UBE2K: variants seen among roughly 807,000 people sequenced by gnomAD.
UBE2K encodes the protein ubiquitin-conjugating enzyme E2 K.
UBE2K carries 6 observed loss-of-function variants against 30.0 expected under a neutral mutation model. That is an observed-to-expected ratio of 0.20 (90% CI 0.11 to 0.39). UBE2K has a LOEUF of 0.39. Ranked by LOEUF, UBE2K falls within the 10% of genes least tolerant of loss-of-function variation. The pLI is 1.00. For synonymous variants in UBE2K, 86 were observed against 83.7 expected (o/e 1.03, Z -0.15); for missense variants, 61 against 241.6 (o/e 0.25, Z 4.96).
chr4:39,748,851 A>T (rs1053791151), intron 3 of UBE2K, among the ~76,000 whole-genome samples: 2 of 152,218 alleles, frequency 1.3e-5, no homozygotes, highest in Admixed American at 6.5e-5. Context: ...AGAAAATGTT[A>T]TATACCCTAC....
chr4:39,717,629 T>C lies in UBE2K; in HGVS notation c.63+19239T>C, dbSNP rs1224409870. Among the ~76,000 whole-genome samples the C allele has an allele frequency of 2.0e-5, 3 of 152,356 alleles. No individual in the cohort carries two copies. In the East Asian group the frequency reaches 5.8e-4, roughly 29 times the overall value. On this transcript the variant is annotated intron_variant, in intron 1 of 6. Transcript: ENST00000261427. ...TCTCTGTTAGGTTTTCCAGTGCCTA[T>C]GGGGATAAAGTCAAAACCTTTATAC... is the stretch of plus-strand genomic sequence containing the variant.
At chr4:39,750,176 A>G (rs966002057) in intron 3 of UBE2K, among the ~76,000 whole-genome samples, 1 of 152,202 alleles carries the variant, frequency 6.6e-6, no homozygotes, top group Non-Finnish European at 1.5e-5. Context: ...CCTGGACGAC[A>G]GAGTGAGACT....
intron 2 of UBE2K, 91 bp from the exon 3 acceptor site, chr4:39,745,661 A>C: frequency 1.2e-6 from 1 of 806,698 alleles, no homozygotes; most frequent in South Asian, 1.8e-5. Flanking sequence ...AATTGAATAT[A>C]AAATAGCTGC....
At chr4:39,716,599 G>A (rs1719077721) in intron 1 of UBE2K, among the ~76,000 whole-genome samples, 1 of 152,188 alleles carries the variant, frequency 6.6e-6, no homozygotes, top group Non-Finnish European at 1.5e-5. Flanking sequence ...AATAGCTTAA[G>A]CCGGTAATCC....
intron 4 of UBE2K, among the ~76,000 whole-genome samples, chr4:39,767,112 T>A (rs1712392183): frequency 6.6e-6 from 1 of 152,194 alleles, no homozygotes; most frequent in African/African-American, 2.4e-5. Flanking sequence ...TTTGGTTTCC[T>A]GTACCTTTGA....
chr4:39,698,245 GC>G lies in UBE2K; in HGVS notation c.-82del. On this transcript the variant is annotated 5_prime_UTR_variant, in exon 1 of 7. Coordinates refer to ENST00000261427, the MANE Select transcript of UBE2K (RefSeq NM_005339.5). Reference sequence around the variant, plus strand: ...CAGGTCTGAATCGCCGAGGGAGGAGGCGGTGGAGGAAGAGGTGGCGGCGGTG... The same window carrying G: ...CAGGTCTGAATCGCCGAGGGAGGAGGGGTGGAGGAAGAGGTGGCGGCGGTG... 2 of 1,338,636 alleles carry G rather than the reference GC, an allele frequency of 1.5e-6. No homozygotes were observed. Among genetic ancestry groups the G allele is most frequent in the Non-Finnish European group, 2.1e-6 (2 of 947,152 alleles). 82.9% of individuals were successfully genotyped at this position (1,338,636 alleles called of 1,614,324 possible). A position where few individuals can be genotyped will look rare whatever the true frequency, so the allele number is the denominator to read the frequency against.
intron 1 of UBE2K, among the ~76,000 whole-genome samples, chr4:39,735,763 T>TA (rs1178130047): frequency 6.6e-6 from 1 of 152,186 alleles, no homozygotes; most frequent in Non-Finnish European, 1.5e-5. Flanking sequence ...TTTTAGGGCA[T>TA]AAGAAGTAGT....
intron 2 of UBE2K, among the ~76,000 whole-genome samples, chr4:39,743,460 C>T (rs372638494): frequency 1.3e-5 from 2 of 152,012 alleles, no homozygotes; most frequent in South Asian, 2.1e-4. Context: ...AAAAATTAGT[C>T]GGGCGTGGTG....
At chr4:39,769,428 G>C (rs1426930572) in intron 4 of UBE2K, among the ~76,000 whole-genome samples, 1 of 105,764 alleles carries the variant, frequency 9.5e-6, no homozygotes, top group East Asian at 2.6e-4. Context: ...CATTGTTCTT[G>C]CTATTGTGCC....
At chr4:39,773,886 A>G (rs560580961) in intron 4 of UBE2K, among the ~76,000 whole-genome samples, 1 of 151,032 alleles carries the variant, frequency 6.6e-6, no homozygotes. Flanking sequence ...GCGCCACTGC[A>G]CTCCAGCCTG....
chr4:39,770,036 A>C, intron 4 of UBE2K: 2 of 1,464,394 alleles, frequency 1.4e-6, no homozygotes, highest in Non-Finnish European at 1.8e-6. Context: ...CCCTTTCCCC[A>C]CCTAGCCCAG....
chr4:39,748,911 T>C (rs1358341443), intron 3 of UBE2K, among the ~76,000 whole-genome samples: 8 of 152,192 alleles, frequency 5.3e-5, no homozygotes, highest in Non-Finnish European at 8.8e-5. Flanking sequence ...GATAAATATG[T>C]TCTAGATGTA....
intron 1 of UBE2K, among the ~76,000 whole-genome samples, chr4:39,724,583 CAAAAAAAAAAAAA>C (rs60854193): frequency 2.5e-4 from 13 of 52,154 alleles, no homozygotes; most frequent in Middle Eastern, 0.016. Flanking sequence ...CCCGTCTCTG[CAAAAAAAAAAAAA>C]AAAAAAAAAA....
chr4:39,764,115 G>A (rs1380434691), intron 4 of UBE2K, among the ~76,000 whole-genome samples: 1 of 152,200 alleles, frequency 6.6e-6, no homozygotes, highest in African/African-American at 2.4e-5. Flanking sequence ...TAGCATTTGG[G>A]AGGCCAAGGC....
intron 1 of UBE2K, among the ~76,000 whole-genome samples, chr4:39,711,536 C>T (rs972118153): frequency 6.6e-6 from 1 of 151,844 alleles, no homozygotes; most frequent in African/African-American, 2.4e-5. Flanking sequence ...TATTCCATGT[C>T]AGTTTTTAAA....
chr4:39,735,846 G>A lies in UBE2K; in HGVS notation c.64-1574G>A, dbSNP rs564871204. 2.0e-5 allele frequency among the ~76,000 whole-genome samples: 3 copies of A among 152,128 alleles called. No homozygotes were observed. In the East Asian group the frequency reaches 5.8e-4, roughly 29 times the overall value. ...TATTTTCAGAAAAATGTAAAAAAAA[G>A]TACTAATTAGAAAGTAAGTTTTTAA... On this transcript the variant is annotated intron_variant, in intron 1 of 6. Transcript: ENST00000261427.
chr4:39,710,348 A>G (rs935357438), intron 1 of UBE2K, among the ~76,000 whole-genome samples: 7 of 151,952 alleles, frequency 4.6e-5, no homozygotes, highest in Non-Finnish European at 1.0e-4. Context: ...AAGACCTTAT[A>G]GCTCACTGTA....
chr4:39,728,973 C>CTTT (rs76762722), intron 1 of UBE2K, among the ~76,000 whole-genome samples: 1 of 137,522 alleles, frequency 7.3e-6, no homozygotes. Context: ...AGCCCCCCAC[C>CTTT]TTTTTTTTTT....
chr4:39,706,572 A>G (rs1236008389), intron 1 of UBE2K, among the ~76,000 whole-genome samples: 2 of 149,916 alleles, frequency 1.3e-5, no homozygotes, highest in African/African-American at 4.9e-5. Context: ...TCCCAGGTCA[A>G]GCGGTTCTCC....
Sources: allele counts gnomAD v4.1 joint callset (sites outside exome capture counted in the v4.1 genomes callset), GRCh38; gene constraint gnomAD v4.1.1; transcripts MANE v1.5; gene names NCBI Gene and HGNC (gene_info 2026-07-23, HGNC 2026-07-21).